The following PCDHGA7 variants were observed in gnomAD, a reference collection of about 807,000 sequenced individuals.
The protein encoded by PCDHGA7 is protocadherin gamma subfamily A, 7.
PCDHGA7 carries 44 observed loss-of-function variants against 58.3 expected under a neutral mutation model. The ratio of observed to expected loss-of-function variants is 0.75; its 90% confidence interval spans 0.59 to 0.97. The LOEUF (loss-of-function observed/expected upper bound fraction) is 0.97, where lower values mean the gene tolerates loss of function less well. Ranked by LOEUF, PCDHGA7 falls within the 50% of genes least tolerant of loss-of-function variation. The pLI is 0.00. For missense variants in PCDHGA7, 1,266 were observed against 1,188.7 expected (o/e 1.06, Z -0.96); for synonymous variants, 516 against 504.2 (o/e 1.02, Z -0.31).
chr5:141,408,144 G>A (rs868032463), intron 1 of PCDHGA7: 1 of 1,496,186 alleles, frequency 6.7e-7, no homozygotes, highest in Non-Finnish European at 8.9e-7. Flanking sequence ...CTTTTAGCGC[G>A]GTAGAGTGCA....
intron 1 of PCDHGA7, among the ~76,000 whole-genome samples, chr5:141,386,669 A>T (rs774102519): frequency 4.6e-5 from 7 of 152,086 alleles, no homozygotes; most frequent in Admixed American, 1.3e-4. Flanking sequence ...CAGTGTTCAC[A>T]TTTCAGATGT....
At chr5:141,506,636 C>T (rs1421676205) in intron 3 of PCDHGA7, among the ~76,000 whole-genome samples, 2 of 152,020 alleles carry the variant, frequency 1.3e-5, no homozygotes, top group South Asian at 2.1e-4. Context: ...AATGCAAGTC[C>T]CTCAGCACAG....
intron 3 of PCDHGA7, among the ~76,000 whole-genome samples, chr5:141,510,440 C>T (rs1251795430): frequency 6.6e-6 from 1 of 152,066 alleles, no homozygotes; most frequent in Non-Finnish European, 1.5e-5. Context: ...TGCTGCCCTC[C>T]AGGAGCCCAT....
rs1009141449 is a variant in PCDHGA7, at chr5:141,491,922, G to A, written c.2425-2885G>A. 2 of 1,349,026 alleles carry A rather than the reference G, an allele frequency of 1.5e-6. No individual in the cohort carries two copies. Among genetic ancestry groups the A allele is most frequent in the African/African-American group, 1.5e-5 (1 of 67,598 alleles). The allele number at this position is 1,349,026 out of a possible 1,614,324, so 83.6% of individuals were successfully genotyped here. On this transcript the variant is annotated intron_variant, in intron 1 of 3. Coordinates refer to ENST00000518325, the MANE Select transcript of PCDHGA7 (RefSeq NM_018920.4). The surrounding 1 kb of genome is among the most constrained non-coding windows in gnomAD (Gnocchi z 6.9). ...CGGGGGTGGTGGCGACTGTGGGCGAGGGGAGGTGGGACCGACCCCCACCCC... is the reference window on the plus strand; with the variant it reads ...CGGGGGTGGTGGCGACTGTGGGCGAAGGGAGGTGGGACCGACCCCCACCCC...
At chr5:141,399,217 T>G in intron 1 of PCDHGA7, 2 of 1,613,972 alleles carry the variant, frequency 1.2e-6, no homozygotes, top group Non-Finnish European at 1.7e-6. Flanking sequence ...ACTAATTGCT[T>G]TGATCAAAAT....
intron 1 of PCDHGA7, chr5:141,389,758 G>A: frequency 1.2e-6 from 2 of 1,612,792 alleles, no homozygotes; most frequent in Non-Finnish European, 1.7e-6. Flanking sequence ...GGCGAAGTGC[G>A]CACAGCGCGT....
chr5:141,427,694 A>T (rs758628764), intron 1 of PCDHGA7: 2 of 913,932 alleles, frequency 2.2e-6, no homozygotes, highest in Non-Finnish European at 3.5e-6. Context: ...CCTCCATCCC[A>T]CAAGTCAGCG....
chr5:141,496,021 G>C lies in PCDHGA7; in HGVS notation c.2483+1156G>C, dbSNP rs1011612662. Among the ~76,000 whole-genome samples, 3 of 151,454 alleles carry C rather than the reference G, an allele frequency of 2.0e-5. No individual in the cohort carries two copies. The East Asian group carries it at 5.8e-4, about 29-fold the overall frequency. ...CTTTTATCTTGTCTTTTTTCTCTGA[G>C]CCTCTGTCTCTGTCTCTCATTTTTT... On this transcript the variant is annotated intron_variant, in intron 2 of 3. Coordinates refer to ENST00000518325, the MANE Select transcript of PCDHGA7 (RefSeq NM_018920.4).
chr5:141,400,376 T>C (rs534277122), intron 1 of PCDHGA7: 1 of 1,614,070 alleles, frequency 6.2e-7, no homozygotes, highest in East Asian at 2.2e-5. Flanking sequence ...TCCTACAACC[T>C]ATGTGTTGCA....
In PCDHGA7 at chr5:141,409,316, C is replaced by T. The variant is rs114361948; in HGVS notation, c.2424+23993C>T. 56 of 1,613,968 alleles carry T rather than the reference C, an allele frequency of 3.5e-5. No individual in the cohort carries two copies. The African/African-American group carries it at 6.5e-4, about 19-fold the overall frequency. On this transcript the variant is annotated intron_variant, in intron 1 of 3. Transcript: ENST00000518325. ...AATGGTTGTTGCCCTCTTCAAAACA[C>T]GGGATCTGGATTTCGGAGGAAATGG...
intron 1 of PCDHGA7, chr5:141,389,441 C>T: frequency 6.2e-7 from 1 of 1,610,584 alleles, no homozygotes; most frequent in South Asian, 1.1e-5. Context: ...GCGCCTTCGA[C>T]CACGAGCAGC....
intron 1 of PCDHGA7, among the ~76,000 whole-genome samples, chr5:141,435,043 C>T (rs2097739230): frequency 1.3e-5 from 2 of 151,658 alleles, no homozygotes; most frequent in African/African-American, 2.4e-5. Flanking sequence ...ATTTTTTTCC[C>T]ATTGACCATG....
chr5:141,510,825 G>C, intron 3 of PCDHGA7, 122 bp from the exon 4 acceptor site: 2 of 1,566,486 alleles, frequency 1.3e-6, no homozygotes, highest in Non-Finnish European at 1.7e-6. Flanking sequence ...TATATTCCCA[G>C]TGCTCAGCGT....
rs756332070 is a variant in PCDHGA7, at chr5:141,431,578, C to A, written c.2424+46255C>A. The stretch of plus-strand genomic sequence containing the variant: ...ACGCTACCGACCCTGACGAAGGAGT[C>A]AATGCGGAAGTGAGGTATTCCTTCC... On this transcript the variant is annotated intron_variant, in intron 1 of 3. Transcript: ENST00000518325. This position sits in a 1 kb window ranked among gnomAD's most constrained non-coding sequence, Gnocchi z 4.8. 6.2e-7 allele frequency: 1 copy of A among 1,614,164 alleles called. No homozygotes were observed. Among genetic ancestry groups the A allele is most frequent in the African/African-American group, 1.3e-5 (1 of 75,060 alleles).
rs1394490963 is a variant in PCDHGA7 at position 141,393,307 on chromosome 5, A to G, written c.2424+7984A>G. On this transcript the variant is annotated intron_variant, in intron 1 of 3. Coordinates refer to ENST00000518325, the MANE Select transcript of PCDHGA7 (RefSeq NM_018920.4). ...GCTGTTGACCCGGATGTGGGCGTGAACTCCCTCCAGAGCTACCAGCTCAGC... is the reference window on the plus strand; with the variant it reads ...GCTGTTGACCCGGATGTGGGCGTGAGCTCCCTCCAGAGCTACCAGCTCAGC... 4 of 1,613,476 alleles carry G rather than the reference A, an allele frequency of 2.5e-6. No homozygotes were observed. The highest frequency in any genetic ancestry group is 3.3e-5 in the Admixed American group (2 of 59,966).
intron 1 of PCDHGA7, chr5:141,408,397 G>T: frequency 6.2e-7 from 1 of 1,614,068 alleles, no homozygotes; most frequent in Non-Finnish European, 8.5e-7. Context: ...CGGCTCGCAA[G>T]CTGCGAGTGA....
intron 2 of PCDHGA7, among the ~76,000 whole-genome samples, chr5:141,502,834 A>G (rs1398558120): frequency 6.7e-6 from 1 of 149,378 alleles, no homozygotes; most frequent in Non-Finnish European, 1.5e-5. Flanking sequence ...GGAAGCCTGG[A>G]CTGGCTGAGC....
intron 1 of PCDHGA7, among the ~76,000 whole-genome samples, chr5:141,494,397 A>G (rs965158973): frequency 7.2e-5 from 11 of 152,208 alleles, no homozygotes; most frequent in African/African-American, 2.4e-4. Flanking sequence ...GAATAAATTC[A>G]TTCTAGGGCT....
intron 1 of PCDHGA7, chr5:141,387,776 A>G: frequency 6.9e-7 from 1 of 1,452,928 alleles, no homozygotes; most frequent in Non-Finnish European, 9.2e-7. Flanking sequence ...TTTTTCTTGA[A>G]CTGGAACTGC....
Sources: allele counts gnomAD v4.1 joint callset (sites outside exome capture counted in the v4.1 genomes callset), GRCh38; gene constraint gnomAD v4.1.1; non-coding constraint Gnocchi (gnomAD v3.1); transcripts MANE v1.5; gene names NCBI Gene and HGNC (gene_info 2026-07-23, HGNC 2026-07-21).